The following PROX2 variants were observed in gnomAD, a reference collection of about 807,000 sequenced individuals.
PROX2 encodes the protein prospero homeobox protein 2.
In PROX2, 46 loss-of-function variants were observed where a neutral mutation model predicts 48.9. The ratio of observed to expected loss-of-function variants is 0.94; its 90% CI spans 0.74 to 1.20. PROX2 has a LOEUF of 1.20. Ranked by LOEUF, PROX2 falls within the 50% of genes most tolerant of loss-of-function variation. PROX2 has a pLI of 0.00. For missense variants in PROX2, 663 were observed against 719.4 expected (o/e 0.92, Z 0.90); for synonymous variants, 260 against 276.6 (o/e 0.94, Z 0.60).
chr14:74,871,936 T>G (rs1883225337), intron 1 of PROX2: 1 of 152,252 alleles, frequency 6.6e-6, no homozygotes, highest in South Asian at 2.1e-4. Context: ...TCCCTGTGGG[T>G]CTATGTCCTT....
At chr14:74,874,721 G>A (rs1883298072) in intron 1 of PROX2, among the ~76,000 whole-genome samples, 1 of 152,192 alleles carries the variant, frequency 6.6e-6, no homozygotes, top group South Asian at 2.1e-4. Context: ...ACCAGTTTGA[G>A]AGTTACTGAC....
chr14:74,865,409 A>G (rs1883029267), intron 2 of PROX2: 1 of 152,290 alleles, frequency 6.6e-6, no homozygotes, highest in African/African-American at 2.4e-5. Context: ...AAAGCACAAC[A>G]AAGGGTTGGA....
chr14:74,857,217 T>C, intron 4 of PROX2: 1 of 449,980 alleles, frequency 2.2e-6, no homozygotes. Context: ...AACATAACTT[T>C]TTTTTGATAT....
chr14:74,855,255 G>A lies in PROX2; in HGVS notation c.1656C>T (p.Phe552=), dbSNP rs1288094846. 1 of 1,579,712 alleles carries A rather than the reference G, an allele frequency of 6.3e-7. No individual in the cohort carries two copies. Among genetic ancestry groups the A allele is most frequent in the Middle Eastern group, 1.7e-4 (1 of 5,924 alleles). ...CTCTCCCTGCGGAGACAGCCCTGAA[G>A]AACTCCTGTAACGTCAAGCTGGCAA... ...LEIASLTLQE[F]FRAVSAGRDS... is the part of the protein sequence containing the mutation. Residue 552 remains phenylalanine, a synonymous_variant, in exon 6 of 6, where the codon TTC becomes TTT. Transcript: ENST00000556489.
chr14:74,873,456 G>A (rs1182234900), intron 1 of PROX2, among the ~76,000 whole-genome samples: 1 of 152,054 alleles, frequency 6.6e-6, no homozygotes, highest in Non-Finnish European at 1.5e-5. Flanking sequence ...CCTTAAACTG[G>A]TTTCCTTTCC....
In PROX2 at chr14:74,862,552, G is replaced by T. The variant is rs2091802582; in HGVS notation, c.1283C>A (p.Ala428Glu). 6.2e-7 allele frequency: 1 copy of T among 1,613,434 alleles called. No individual in the cohort carries two copies. The highest frequency in any genetic ancestry group is 1.3e-5 in the African/African-American group (1 of 75,038). ...TATGTGGACCAAAGAGAAAGGCAGT[G>T]CCTCCATGACAGCATGCAGGCCTCT... is the stretch of plus-strand genomic sequence containing the variant. ...EQRGLHAVME[A>E]LPFSLVHIQE... is the part of the protein sequence containing the mutation. The change falls in exon 3 of 6, where the codon GCA becomes GAA. Residue 428 changes from alanine to glutamate, a missense_variant. Physicochemically the swap from Ala to Glu is moderately radical, Grantham distance 107. Coordinates refer to ENST00000556489, the MANE Select transcript of PROX2 (RefSeq NM_001243007.2).
At chr14:74,868,313 T>TTATATATATATA (rs4026383) in intron 2 of PROX2, among the ~76,000 whole-genome samples, 39 of 53,788 alleles carry the variant, frequency 7.3e-4, no homozygotes, top group East Asian at 2.4e-3. Context: ...TTTCTCGTAA[T>TTATATATATATA]TATATATATA....
In PROX2 at chr14:74,863,128, T is replaced by A. The variant is rs372997844; in HGVS notation, c.707A>T (p.Gln236Leu). 1.2e-6 allele frequency: 2 copies of A among 1,613,918 alleles called. No individual in the cohort carries two copies. The highest frequency in any genetic ancestry group is 2.7e-5 in the African/African-American group (2 of 74,928). The change falls in exon 3 of 6, where the codon CAG (glutamine) becomes CTG (leucine). Residue 236 changes from glutamine to leucine, a missense_variant. Gln to Leu is a moderately radical substitution (Grantham distance 113, BLOSUM62 -2). Coordinates refer to ENST00000556489, the MANE Select transcript of PROX2 (RefSeq NM_001243007.2). ...LRKELTRAVS[Q>L]AVDSVLQKVL... ...CTTTTGTAATACCGAGTCCACAGCCTGGGACACTGCCCTGGTCAGCTCTTT... is the reference window on the plus strand; with the variant it reads ...CTTTTGTAATACCGAGTCCACAGCCAGGGACACTGCCCTGGTCAGCTCTTT...
intron 2 of PROX2, among the ~76,000 whole-genome samples, chr14:74,869,385 T>A (rs59877670): frequency 0.17 from 26,397 of 151,788 alleles, 2,514 homozygotes; most frequent in South Asian, 0.29. Flanking sequence ...TTCAAGCGAT[T>A]CTCCTGCCTT....
chr14:74,856,621 C>T (rs2091744818), intron 5 of PROX2, 180 bp downstream of exon 5: 3 of 589,630 alleles, frequency 5.1e-6, no homozygotes, highest in Non-Finnish European at 9.0e-6. Context: ...TTGCTGCTTC[C>T]ACCTGTTGCC....
At chr14:74,862,498 C>A in intron 3 of PROX2, 32 bp downstream of exon 3, 1 of 1,584,120 alleles carries the variant, frequency 6.3e-7, no homozygotes, top group Non-Finnish European at 8.6e-7. Context: ...ACCTGGCCAA[C>A]AATGAGAACT....
intron 2 of PROX2, among the ~76,000 whole-genome samples, chr14:74,869,410 C>G (rs1399748630): frequency 6.6e-6 from 1 of 151,984 alleles, no homozygotes; most frequent in Non-Finnish European, 1.5e-5. Context: ...TCCCAAGTAG[C>G]TGGTATTACA....
At chr14:74,874,008 G>A (rs1056124406) in intron 1 of PROX2, 4 of 515,552 alleles carry the variant, frequency 7.8e-6, no homozygotes, top group Admixed American at 6.3e-5. Context: ...TCAATGTGAT[G>A]TGTGCCTGTT....
At position 74,854,465 on chromosome 14, in the gene PROX2, A is replaced by T. The variant is rs1372625616; in HGVS notation, c.*667T>A. ...GCTGCAGGAGATGGGTCCAGCATGCAGTTGGGCATCAGAAAGTCTTGGTTC... is the reference window on the plus strand; with the variant it reads ...GCTGCAGGAGATGGGTCCAGCATGCTGTTGGGCATCAGAAAGTCTTGGTTC... On this transcript the variant is annotated 3_prime_UTR_variant, in exon 6 of 6. Coordinates refer to ENST00000556489, the MANE Select transcript of PROX2 (RefSeq NM_001243007.2). The T allele has an allele frequency of 2.2e-5, 5 of 226,094 alleles. No homozygotes were observed. Among genetic ancestry groups the T allele is most frequent in the Non-Finnish European group, 4.6e-5 (5 of 109,088 alleles). The allele number at this position is 226,094 out of a possible 1,614,324, so 14.0% of individuals were successfully genotyped here.
chr14:74,855,533 A>C (rs1050962502), intron 5 of PROX2: 3 of 376,060 alleles, frequency 8.0e-6, no homozygotes, highest in Non-Finnish European at 1.4e-5. Context: ...AATTAAGGAC[A>C]CTTCCTTTGT....
At position 74,858,504 on chromosome 14, in the gene PROX2, C is replaced by T. The variant is rs1334377680; in HGVS notation, c.1316G>A (p.Gly439Asp). Residue 439 changes from glycine (G) to aspartate (D), a missense_variant, in exon 4 of 6, where the codon GGT becomes GAT. Transcript: ENST00000556489. ...LPFSLVHIQE[G>D]LNPGHLKKAK... The stretch of plus-strand genomic sequence containing the variant: ...CTTCTTCAAGTGACCAGGGTTTAGA[C>T]CCTCCTGGATTTATCTCAGTGTCAA... The T allele has an allele frequency of 6.4e-7, 1 of 1,564,670 alleles. No individual in the cohort carries two copies. The highest frequency in any genetic ancestry group is 8.7e-7 in the Non-Finnish European group (1 of 1,150,464).
At position 74,863,575 on chromosome 14, in the gene PROX2, G is replaced by T. The variant is rs777017206; in HGVS notation, c.260C>A (p.Ala87Glu). The change falls in exon 3 of 6, where the codon GCG becomes GAG. Residue 87 changes from alanine to glutamate, a missense_variant. By Grantham distance (107) the Ala-to-Glu change is moderately radical. Coordinates refer to ENST00000556489, the MANE Select transcript of PROX2 (RefSeq NM_001243007.2). Reference sequence around the variant, plus strand: ...GCAGCGTGGGCTGACCCCAGCTTGCGCATTGCCTGGCACCAGAGGATTCGG... The same window carrying T: ...GCAGCGTGGGCTGACCCCAGCTTGCTCATTGCCTGGCACCAGAGGATTCGG... ...LSPNPLVPGN[A>E]QAGVSPRCPK... The T allele has an allele frequency of 2.5e-6, 4 of 1,612,712 alleles. No homozygotes were observed. The highest frequency in any genetic ancestry group is 3.4e-6 in the Non-Finnish European group (4 of 1,179,334).
At chr14:74,855,412 G>A in intron 5 of PROX2, 110 bp from the exon 6 acceptor site, 1 of 812,438 alleles carries the variant, frequency 1.2e-6, no homozygotes, top group Non-Finnish European at 1.8e-6. Flanking sequence ...TGGGCTAGGA[G>A]CATCCCTGCT....
Position 74,854,234 on chromosome 14 carries a change from G to T in PROX2, c.*898C>A. ...AGCTGGAGACTATTTGCATTATCCA[G>T]CTGATAAACTCTTCCAGCAGACAAA... On this transcript the variant is annotated 3_prime_UTR_variant, in exon 6 of 6. Coordinates refer to ENST00000556489, the MANE Select transcript of PROX2 (RefSeq NM_001243007.2). 1 of 464,564 alleles carries T rather than the reference G, an allele frequency of 2.2e-6. No individual in the cohort carries two copies. Among genetic ancestry groups the T allele is most frequent in the East Asian group, 6.5e-5 (1 of 15,388 alleles). 28.8% of individuals were successfully genotyped at this position (464,564 alleles called of 1,614,324 possible). A position where few individuals can be genotyped will look rare whatever the true frequency, so the allele number is the denominator to read the frequency against.
Sources: allele counts gnomAD v4.1 joint callset (sites outside exome capture counted in the v4.1 genomes callset), GRCh38; gene constraint gnomAD v4.1.1; transcripts MANE v1.5; gene names NCBI Gene and HGNC (gene_info 2026-07-23, HGNC 2026-07-21).